Variants in IGFL2 observed in about 807,000 individuals in gnomAD.
IGFL2 encodes insulin growth factor-like family member 2.
Under a neutral mutation model 13.9 loss-of-function variants are expected in IGFL2, and 7 were observed. The ratio of observed to expected loss-of-function variants is 0.51; its 90% CI spans 0.29 to 0.95. The LOEUF (loss-of-function observed/expected upper bound fraction) is 0.95, where lower values mean the gene tolerates loss of function less well. Among genes scored for constraint, IGFL2 ranks in the 40% least tolerant of loss-of-function variants. The probability of loss-of-function intolerance (pLI) is 0.08; values close to 1 mark genes in which losing one functional copy is unlikely to be tolerated. For synonymous variants in IGFL2, 55 were observed against 55.8 expected, an observed-to-expected ratio of 0.99 and a Z score of 0.07; for missense variants, 138 against 147.8, an observed-to-expected ratio of 0.93 and a Z score of 0.34.
At chr19:46,164,420 C>T (rs1974299287), downstream of IGFL2, among the ~76,000 whole-genome samples, 1 of 152,134 alleles carries the variant, frequency 6.6e-6, no homozygotes, top group Admixed American at 6.5e-5. Context: ...AGCTAAGTCA[C>T]CCAAACAGCA....
Position 46,160,739 on chromosome 19 carries a change from G to T in IGFL2, c.199G>T (p.Gly67Cys). ...GTCCCTGAGCGAGACCCGCCAATGTGGTCCCCCCTGCACCTTCTGGCCCTG... is the reference window on the plus strand; with the variant it reads ...GTCCCTGAGCGAGACCCGCCAATGTTGTCCCCCCTGCACCTTCTGGCCCTG... Reference protein sequence around the residue: ...IVSLSETRQCGPPCTFWPCFE... With the variant: ...IVSLSETRQCCPPCTFWPCFE... Residue 67 changes from glycine to cysteine, a missense_variant, in exon 3 of 4, where the codon GGT (glycine) becomes TGT (cysteine). Physicochemically the swap from Gly to Cys is radical, Grantham distance 159. Coordinates refer to ENST00000377693, the MANE Select transcript of IGFL2 (RefSeq NM_001135113.2). The T allele has an allele frequency of 1.2e-6, 2 of 1,614,160 alleles. No homozygotes were observed. Among genetic ancestry groups the T allele is most frequent in the Non-Finnish European group, 1.7e-6 (2 of 1,180,016 alleles).
At chr19:46,131,578 C>T in the IGFL2 span, among the ~76,000 whole-genome samples, 1 of 152,166 alleles carries the variant, frequency 6.6e-6, no homozygotes, top group Non-Finnish European at 1.5e-5. Context: ...TTGCTGTCAA[C>T]ACCCATTTAA....
chr19:46,156,405 A>G (rs999391800), intron 1 of IGFL2, among the ~76,000 whole-genome samples: 6 of 152,180 alleles, frequency 3.9e-5, no homozygotes, highest in Non-Finnish European at 8.8e-5. Flanking sequence ...GCTTCTATCT[A>G]GAGCCGTAAA....
At chr19:46,103,517 T>C in the IGFL2 span, among the ~76,000 whole-genome samples, 2 of 152,084 alleles carry the variant, frequency 1.3e-5, no homozygotes, top group South Asian at 4.1e-4. Flanking sequence ...AGATCATCTA[T>C]CCACTCCAAG....
chr19:46,191,842 G>A, the IGFL2 span, among the ~76,000 whole-genome samples: 1 of 151,700 alleles, frequency 6.6e-6, no homozygotes, highest in Non-Finnish European at 1.5e-5. Flanking sequence ...GTAAAATATG[G>A]GATTTTTACA....
the IGFL2 span, among the ~76,000 whole-genome samples, chr19:46,090,855 C>T: frequency 4.6e-5 from 7 of 152,254 alleles, no homozygotes; most frequent in Admixed American, 1.3e-4. Flanking sequence ...ATGGGTTGAG[C>T]GGTTGCAGGG....
chr19:46,156,972 A>G (rs1973859640), intron 1 of IGFL2, among the ~76,000 whole-genome samples: 1 of 152,182 alleles, frequency 6.6e-6, no homozygotes, highest in South Asian at 2.1e-4. Context: ...TGCAGACACT[A>G]AAAGAATAAT....
chr19:46,154,442 T>G (rs956225948), intron 1 of IGFL2, among the ~76,000 whole-genome samples: 6 of 152,026 alleles, frequency 3.9e-5, no homozygotes, highest in Admixed American at 2.6e-4. Flanking sequence ...TTTTGGGTTT[T>G]GTTTTGTTTT....
At chr19:46,209,956 A>G in the IGFL2 span, 1 of 152,106 alleles carries the variant, frequency 6.6e-6, no homozygotes, top group African/African-American at 2.4e-5. Context: ...TACACATGAA[A>G]ACTTAAGTAA....
the IGFL2 span, among the ~76,000 whole-genome samples, chr19:46,167,826 T>C: frequency 6.6e-6 from 1 of 152,106 alleles, no homozygotes; most frequent in East Asian, 1.9e-4. Context: ...AGAGGCCATG[T>C]CAGCACACAG....
chr19:46,125,043 G>C, the IGFL2 span, among the ~76,000 whole-genome samples: 2 of 141,110 alleles, frequency 1.4e-5, no homozygotes, highest in East Asian at 2.2e-4. Context: ...GAATGCTTCA[G>C]CCACTTCCCC....
At chr19:46,108,213 A>G in the IGFL2 span, among the ~76,000 whole-genome samples, 1 of 152,154 alleles carries the variant, frequency 6.6e-6, no homozygotes, top group Non-Finnish European at 1.5e-5. Context: ...CTTGGGGTGG[A>G]GACTGAAGGA....
chr19:46,109,920 A>T, the IGFL2 span, among the ~76,000 whole-genome samples: 1 of 152,068 alleles, frequency 6.6e-6, no homozygotes, highest in Non-Finnish European at 1.5e-5. Flanking sequence ...ATCTGGATGT[A>T]TACATGCGGG....
downstream of IGFL2, among the ~76,000 whole-genome samples, chr19:46,162,855 G>A (rs1974227139): frequency 6.6e-6 from 1 of 152,178 alleles, no homozygotes; most frequent in Admixed American, 6.5e-5. Flanking sequence ...TGGTCGTTTG[G>A]AGGACATATG....
chr19:46,116,932 AAATT>A, the IGFL2 span, among the ~76,000 whole-genome samples: 4 of 151,884 alleles, frequency 2.6e-5, no homozygotes, highest in Non-Finnish European at 4.4e-5. Context: ...TACACAAGTT[AAATT>A]AATTAACTTG....
At chr19:46,146,644 T>C (rs1049596105), upstream of IGFL2, among the ~76,000 whole-genome samples, 1 of 152,162 alleles carries the variant, frequency 6.6e-6, no homozygotes, top group Non-Finnish European at 1.5e-5. Context: ...ACACATCCTT[T>C]ATATGTTCTC....
At chr19:46,185,382 C>T in the IGFL2 span, among the ~76,000 whole-genome samples, 2 of 152,294 alleles carry the variant, frequency 1.3e-5, no homozygotes, top group Admixed American at 6.5e-5. Flanking sequence ...TGTGGGTGCT[C>T]AGAATCAGAG....
At chr19:46,085,475 CTGTT>C in the IGFL2 span, among the ~76,000 whole-genome samples, 1 of 152,154 alleles carries the variant, frequency 6.6e-6, no homozygotes, top group East Asian at 1.9e-4. Context: ...TTTTTGTTCT[CTGTT>C]TGCTTGATAG....
rs1211073988 is a variant in IGFL2, at chr19:46,160,799, A to G, written c.259A>G (p.Thr87Ala). The change falls in exon 3 of 4, where the codon ACA becomes GCA. Residue 87 changes from threonine (T) to alanine (A), a missense_variant. Physicochemically the swap from Thr to Ala is moderately conservative, Grantham distance 58 (BLOSUM62 0). Transcript: ENST00000377693. ...CTGCTGTCTTGATTCCTTTGGCCTC[A>G]CAAACGATTTTGTTGTGAAGCTGAA... Reference protein sequence around the residue: ...ELCCLDSFGLTNDFVVKLKVQ... With the variant: ...ELCCLDSFGLANDFVVKLKVQ... 1 of 1,613,986 alleles carries G rather than the reference A, an allele frequency of 6.2e-7. No homozygotes were observed. The highest frequency in any genetic ancestry group is 1.1e-5 in the South Asian group (1 of 91,080).
Sources: allele counts gnomAD v4.1 joint callset (sites outside exome capture counted in the v4.1 genomes callset), GRCh38; gene constraint gnomAD v4.1.1; transcripts MANE v1.5; gene names NCBI Gene and HGNC (gene_info 2026-07-23, HGNC 2026-07-21).